Variants in MEIKIN observed in about 807,000 individuals in gnomAD.
MEIKIN encodes meiosis-specific kinetochore protein.
chr5:131,837,305 C>G (rs1312828386), intron 11 of MEIKIN, among the ~76,000 whole-genome samples: 1 of 152,120 alleles, frequency 6.6e-6, no homozygotes, highest in Non-Finnish European at 1.5e-5. Flanking sequence ...ATACTTCCCC[C>G]TTTGTTCTTC....
At chr5:131,873,031 C>T (rs1335476241) in intron 9 of MEIKIN, among the ~76,000 whole-genome samples, 1 of 152,190 alleles carries the variant, frequency 6.6e-6, no homozygotes, top group Non-Finnish European at 1.5e-5. Context: ...CTGGTACCAG[C>T]CACTGCAAAA....
At chr5:131,852,958 C>T (rs1167690783) in intron 10 of MEIKIN, among the ~76,000 whole-genome samples, 1 of 152,042 alleles carries the variant, frequency 6.6e-6, no homozygotes, top group Admixed American at 6.5e-5. Flanking sequence ...AAATGAGACA[C>T]TCATTTTCTG....
At chr5:131,856,077 A>G (rs1321261349) in intron 9 of MEIKIN, among the ~76,000 whole-genome samples, 1 of 152,218 alleles carries the variant, frequency 6.6e-6, no homozygotes, top group Non-Finnish European at 1.5e-5. Flanking sequence ...GGTACAAGAC[A>G]TAATCTGGAA....
chr5:131,912,971 A>G lies in MEIKIN; in HGVS notation c.639-1092T>C, dbSNP rs1751353686. 7.9e-5 allele frequency among the ~76,000 whole-genome samples: 12 copies of G among 152,224 alleles called. No homozygotes were observed. In the South Asian group the frequency reaches 2.5e-3, roughly 31 times the overall value. ...TTGGGTTCCTCTGGCAGTGAATTAT[A>G]GGAAAGGAGTTTTAGAAATGTACAG... On this transcript the variant is annotated intron_variant, in intron 7 of 12. Coordinates refer to ENST00000442687, the MANE Select transcript of MEIKIN (RefSeq NM_001303622.2).
At chr5:131,828,337 AT>A (rs1437675064) in intron 11 of MEIKIN, among the ~76,000 whole-genome samples, 1 of 151,520 alleles carries the variant, frequency 6.6e-6, no homozygotes, top group East Asian at 2.0e-4. Context: ...TAATTTTTGT[AT>A]TTTTTTTAGA....
chr5:131,897,692 T>G (rs1283722313), intron 8 of MEIKIN, among the ~76,000 whole-genome samples: 1 of 152,208 alleles, frequency 6.6e-6, no homozygotes, highest in Non-Finnish European at 1.5e-5. Flanking sequence ...CTATTGAAGC[T>G]CGTGCATGCA....
At chr5:131,832,796 A>G (rs1324311924) in intron 11 of MEIKIN, among the ~76,000 whole-genome samples, 5 of 152,232 alleles carry the variant, frequency 3.3e-5, no homozygotes, top group African/African-American at 1.2e-4. Context: ...GCCATGGCCC[A>G]AGCTCTGCGT....
chr5:131,945,158 G>A lies in MEIKIN; in HGVS notation c.198C>T (p.Phe66=), dbSNP rs1421249030. 2.5e-6 allele frequency: 1 copy of A among 399,014 alleles called. No homozygotes were observed. The highest frequency in any genetic ancestry group is 2.1e-5 in the African/African-American group (1 of 48,630). The allele number at this position is 399,014 out of a possible 1,614,324, so 24.7% of individuals were successfully genotyped here. A position where few individuals can be genotyped will look rare whatever the true frequency, so the allele number is the denominator to read the frequency against. The change falls in exon 2 of 13, where the codon TTC becomes TTT. Residue 66 remains phenylalanine (F), a splice_region_variant and synonymous_variant. Transcript: ENST00000442687. ...SRQGGSGSGP[F]SPRLGVTGEK... ...GGCTGTTACTGGAGGCTACATACCT[G>A]AACGGCCCAGAGCCGCTACCTCCCT...
At chr5:131,894,913 C>T (rs752106326) in intron 8 of MEIKIN, among the ~76,000 whole-genome samples, 1 of 152,136 alleles carries the variant, frequency 6.6e-6, no homozygotes, top group African/African-American at 2.4e-5. Context: ...CCTGGTTGCC[C>T]TGGCCAGAAC....
intron 9 of MEIKIN, among the ~76,000 whole-genome samples, chr5:131,871,126 T>A (rs1386885829): frequency 1.3e-5 from 2 of 152,184 alleles, no homozygotes; most frequent in African/African-American, 4.8e-5. Context: ...CCGGTTCATC[T>A]CACTGGGGTG....
At chr5:131,879,465 A>G (rs1394354260) in intron 8 of MEIKIN, among the ~76,000 whole-genome samples, 1 of 152,212 alleles carries the variant, frequency 6.6e-6, no homozygotes. Flanking sequence ...GAAAAATTGT[A>G]CAGTGGCGAA....
At chr5:131,894,150 T>C (rs973167619) in intron 8 of MEIKIN, among the ~76,000 whole-genome samples, 1 of 152,214 alleles carries the variant, frequency 6.6e-6, no homozygotes, top group Admixed American at 6.5e-5. Context: ...ATTTATTAAA[T>C]AGGGAATCCT....
chr5:131,888,377 T>C (rs1362442405), intron 8 of MEIKIN, among the ~76,000 whole-genome samples: 12 of 150,682 alleles, frequency 8.0e-5, no homozygotes, highest in Admixed American at 7.3e-4. Context: ...ACCTGTTGTT[T>C]CCTGACTTTT....
chr5:131,861,109 G>C (rs964929103), intron 9 of MEIKIN, among the ~76,000 whole-genome samples: 5 of 151,752 alleles, frequency 3.3e-5, no homozygotes, highest in African/African-American at 1.2e-4. Context: ...AATAAGAATA[G>C]GCCAAGTGCA....
At chr5:131,925,666 T>A (rs1458600978) in intron 5 of MEIKIN, among the ~76,000 whole-genome samples, 1 of 151,948 alleles carries the variant, frequency 6.6e-6, no homozygotes, top group African/African-American at 2.4e-5. Context: ...TTTTGTGTTT[T>A]TTTTGTTTTT....
intron 11 of MEIKIN, among the ~76,000 whole-genome samples, chr5:131,834,860 T>G (rs1021606662): frequency 2.0e-5 from 3 of 152,200 alleles, no homozygotes; most frequent in African/African-American, 7.2e-5. Context: ...TTTAATTTTT[T>G]GAGGAACCCC....
chr5:131,915,209 G>A (rs1751398536), intron 7 of MEIKIN, among the ~76,000 whole-genome samples: 1 of 152,140 alleles, frequency 6.6e-6, no homozygotes, highest in Admixed American at 6.5e-5. Context: ...CTGGATATAG[G>A]ACTTCAATGA....
chr5:131,869,881 C>T (rs1750455110), intron 9 of MEIKIN, among the ~76,000 whole-genome samples: 1 of 152,190 alleles, frequency 6.6e-6, no homozygotes, highest in African/African-American at 2.4e-5. Context: ...CTGTATCCTC[C>T]TGTCTGTCTC....
chr5:131,931,370 G>A (rs956238622), intron 5 of MEIKIN, among the ~76,000 whole-genome samples: 2 of 152,146 alleles, frequency 1.3e-5, no homozygotes, highest in Admixed American at 1.3e-4. Context: ...GCTAGGTGGA[G>A]AGCCTATGGC....
Sources: gnomAD v4.1 joint callset for allele counts (sites outside exome capture counted in the v4.1 genomes callset) on GRCh38, gnomAD v4.1.1 for gene constraint, MANE v1.5 for transcripts, NCBI Gene and HGNC (gene_info 2026-07-23, HGNC 2026-07-21) for gene names.